The following DLGAP4 variants were observed in gnomAD, a reference collection of about 807,000 sequenced individuals.
The protein encoded by DLGAP4 is disks large-associated protein 4.
DLGAP4 carries 18 observed loss-of-function variants against 86.9 expected under a neutral mutation model. The observed-to-expected ratio is 0.21, with a 90% CI of 0.14 to 0.31. DLGAP4 has a LOEUF of 0.31. Ranked by LOEUF, DLGAP4 falls within the 10% of genes least tolerant of loss-of-function variation. DLGAP4 has a pLI of 1.00. For synonymous variants in DLGAP4, 548 were observed against 574.3 expected (o/e 0.95, Z 0.65); for missense variants, 1,085 against 1,362.6 (o/e 0.80, Z 3.21).
intron 10 of DLGAP4, among the ~76,000 whole-genome samples, chr20:36,506,621 A>C (rs550459336): frequency 6.6e-6 from 1 of 152,320 alleles, no homozygotes; most frequent in South Asian, 2.1e-4. Context: ...AAGAACTTTA[A>C]ACTTGACAAT....
rs562721137 is a variant in DLGAP4, at chr20:36,528,044, C to G, written c.*1013C>G. On this transcript the variant is annotated 3_prime_UTR_variant, in exon 13 of 13. Coordinates refer to ENST00000339266, the MANE Select transcript of DLGAP4 (RefSeq NM_001365621.2). Reference sequence around the variant, plus strand: ...GGCTCTCGGGGCACCTGGCAGGAGGCGGGTGTGTGAATAGCATATATTTTT... The same window carrying G: ...GGCTCTCGGGGCACCTGGCAGGAGGGGGGTGTGTGAATAGCATATATTTTT... 6.6e-6 allele frequency: 1 copy of G among 152,602 alleles called. No individual in the cohort carries two copies. Among genetic ancestry groups the G allele is most frequent in the Non-Finnish European group, 1.5e-5 (1 of 68,042 alleles). The allele number at this position is 152,602 out of a possible 1,614,324, so 9.5% of individuals were successfully genotyped here. A position where few individuals can be genotyped will look rare whatever the true frequency, so the allele number is the denominator to read the frequency against.
At chr20:36,366,301 T>A (rs912626390) in intron 1 of DLGAP4, among the ~76,000 whole-genome samples, 2 of 152,194 alleles carry the variant, frequency 1.3e-5, no homozygotes, top group African/African-American at 4.8e-5. Flanking sequence ...CCTGAAGTGA[T>A]CCACCCACCT....
chr20:36,401,841 C>T (rs1419806186), intron 2 of DLGAP4, among the ~76,000 whole-genome samples: 1 of 152,214 alleles, frequency 6.6e-6, no homozygotes, highest in African/African-American at 2.4e-5. Context: ...GAGGAGGTGA[C>T]GTCTGTGCCA....
chr20:36,436,012 G>C, intron 3 of DLGAP4, 97 bp from the exon 4 acceptor site: 1 of 1,421,130 alleles, frequency 7.0e-7, no homozygotes, highest in Non-Finnish European at 9.2e-7. Context: ...CCCGAATTCT[G>C]CAGGGAACGA....
chr20:36,472,737 A>G (rs2034726417), intron 7 of DLGAP4, among the ~76,000 whole-genome samples: 1 of 152,178 alleles, frequency 6.6e-6, no homozygotes, highest in Admixed American at 6.5e-5. Flanking sequence ...GTTAAAAACC[A>G]AAGTGAAAGA....
intron 2 of DLGAP4, among the ~76,000 whole-genome samples, chr20:36,406,337 G>A (rs2032319883): frequency 6.7e-6 from 1 of 149,622 alleles, no homozygotes; most frequent in African/African-American, 2.5e-5. Flanking sequence ...GGCGGAGCTT[G>A]CAGTGAGCCG....
At chr20:36,325,865 G>A (rs1474707224) in intron 1 of DLGAP4, among the ~76,000 whole-genome samples, 1 of 151,762 alleles carries the variant, frequency 6.6e-6, no homozygotes, top group Non-Finnish European at 1.5e-5. Flanking sequence ...TTATAGGCAC[G>A]CACCACCATG....
chr20:36,436,356 C>T lies in DLGAP4; in HGVS notation c.1241+6C>T, dbSNP rs767137583. ...GAGCAGAGCAACCCCCGCAGGTAGG[C>T]GCGCAGCTCCACCCTTACGGTCCCG... On this transcript the variant is annotated splice_donor_region_variant and intron_variant, in intron 4 of 12. Transcript: ENST00000339266. 3.8e-6 allele frequency: 6 copies of T among 1,588,136 alleles called. No individual in the cohort carries two copies. Among genetic ancestry groups the T allele is most frequent in the Admixed American group, 1.7e-5 (1 of 59,046 alleles).
chr20:36,479,854 C>T (rs1228901793), intron 7 of DLGAP4, among the ~76,000 whole-genome samples: 1 of 152,038 alleles, frequency 6.6e-6, no homozygotes, highest in Non-Finnish European at 1.5e-5. Flanking sequence ...AGGATGAGAC[C>T]CCTCATTTCT....
intron 2 of DLGAP4, among the ~76,000 whole-genome samples, chr20:36,376,291 G>A (rs1038395713): frequency 5.9e-5 from 9 of 152,158 alleles, no homozygotes; most frequent in African/African-American, 1.7e-4. Context: ...CCAACACGGC[G>A]AAACCCCATT....
At chr20:36,509,266 T>A (rs1267022651) in intron 10 of DLGAP4, among the ~76,000 whole-genome samples, 1 of 151,744 alleles carries the variant, frequency 6.6e-6, no homozygotes, top group East Asian at 1.9e-4. Context: ...CTACTACAAA[T>A]GAAAATTTAA....
intron 1 of DLGAP4, among the ~76,000 whole-genome samples, chr20:36,359,531 C>T (rs931096252): frequency 2.6e-5 from 4 of 152,122 alleles, no homozygotes; most frequent in African/African-American, 4.8e-5. Flanking sequence ...TGGAATCTGA[C>T]CCAGAGTTCG....
At chr20:36,496,594 A>G (rs1474020297) in intron 7 of DLGAP4, 111 bp from the exon 8 acceptor site, 1 of 1,477,704 alleles carries the variant, frequency 6.8e-7, no homozygotes, top group Non-Finnish European at 9.0e-7. Flanking sequence ...GGAATGGCTA[A>G]GCCCAGAGCT....
chr20:36,524,399 A>ACTC, intron 11 of DLGAP4, 58 bp downstream of exon 11: 5 of 1,466,470 alleles, frequency 3.4e-6, no homozygotes, highest in Non-Finnish European at 4.7e-6. Flanking sequence ...TGCCCACTAT[A>ACTC]CTCTGCCAGC....
intron 7 of DLGAP4, among the ~76,000 whole-genome samples, chr20:36,464,384 A>G (rs185947142): frequency 4.9e-4 from 74 of 152,168 alleles, no homozygotes; most frequent in African/African-American, 1.7e-3. Context: ...ACAAGACAAA[A>G]CCCTGTTGCT....
chr20:36,370,801 C>G (rs894669878), intron 2 of DLGAP4, among the ~76,000 whole-genome samples: 37 of 152,324 alleles, frequency 2.4e-4, no homozygotes, highest in Middle Eastern at 3.4e-3. Flanking sequence ...ACCTGGGCAA[C>G]AGAGCAAGAC....
intron 7 of DLGAP4, among the ~76,000 whole-genome samples, chr20:36,457,884 C>T (rs1037109437): frequency 1.3e-5 from 2 of 149,088 alleles, no homozygotes; most frequent in African/African-American, 5.0e-5. Flanking sequence ...GCTATCCACC[C>T]CACCTCCCAA....
intron 2 of DLGAP4, among the ~76,000 whole-genome samples, chr20:36,387,214 A>C (rs1249156245): frequency 6.6e-6 from 1 of 152,186 alleles, no homozygotes; most frequent in East Asian, 1.9e-4. Context: ...AATTTTGCCA[A>C]TCTGCTGGGA....
At chr20:36,473,491 CTG>C (rs926776948) in intron 7 of DLGAP4, among the ~76,000 whole-genome samples, 1 of 152,180 alleles carries the variant, frequency 6.6e-6, no homozygotes, top group Non-Finnish European at 1.5e-5. Context: ...TTTGGTTGGC[CTG>C]TGTCTTTCAG....
Sources: gnomAD v4.1 joint callset for allele counts (sites outside exome capture counted in the v4.1 genomes callset) on GRCh38, gnomAD v4.1.1 for gene constraint, MANE v1.5 for transcripts, NCBI Gene and HGNC (gene_info 2026-07-23, HGNC 2026-07-21) for gene names.